The following MTUS2 variants were observed in gnomAD, a reference collection of about 807,000 sequenced individuals.
MTUS2 encodes the protein microtubule associated scaffold protein 2, also known as microtubule-associated tumor suppressor candidate 2.
Under a neutral mutation model 114.1 loss-of-function variants are expected in MTUS2, and 40 were observed. The observed-to-expected ratio is 0.35, with a 90% CI of 0.27 to 0.46. MTUS2 has a LOEUF of 0.46. MTUS2 is among the 20% of genes least tolerant of loss of function. MTUS2 has a pLI of 1.00. For missense variants in MTUS2, 1,679 were observed against 1,705.4 expected (o/e 0.98, Z 0.27); for synonymous variants, 688 against 672.0 (o/e 1.02, Z -0.37).
rs78963318 is a variant in MTUS2, at chr13:29,193,033, G to C, written c.2645-88671G>C. ...TTTCATCCATGATTAACTCTGGGGA[G>C]ACTGAGTCAATATCATACATTTACA... On this transcript the variant is annotated intron_variant, in intron 5 of 15. Transcript: ENST00000612955. 1.2e-4 allele frequency among the ~76,000 whole-genome samples: 18 copies of C among 152,320 alleles called. No individual in the cohort carries two copies. In the East Asian group the frequency reaches 3.5e-3, roughly 29 times the overall value.
chr13:28,879,079 A>G (rs1047494111), intron 2 of MTUS2, among the ~76,000 whole-genome samples: 3 of 152,118 alleles, frequency 2.0e-5, no homozygotes, highest in Non-Finnish European at 4.4e-5. Flanking sequence ...CTGGTGATCA[A>G]TGATGTTGAG....
At position 29,026,240 on chromosome 13, in the gene MTUS2, G is replaced by T. The variant is rs965328917; in HGVS notation, c.1542G>T (p.Glu514Asp). 18 of 1,613,956 alleles carry T rather than the reference G, an allele frequency of 1.1e-5. No homozygotes were observed. Among genetic ancestry groups the T allele is most frequent in the Non-Finnish European group, 1.5e-5 (18 of 1,179,882 alleles). The change falls in exon 3 of 16, where the codon GAG (glutamate) becomes GAT (aspartate). Residue 514 changes from glutamate (E) to aspartate (D), a missense_variant. Physicochemically the swap from Glu to Asp is conservative, Grantham distance 45 (BLOSUM62 2). Around this residue, in one of 3 missense-constraint regions of MTUS2, gnomAD observed 843 missense variants for 770.8 expected, o/e 1.09. Transcript: ENST00000612955. ...TTGCTGAAAACAGGAACCTTCTAGA[G>T]AATGCAGATAAGATTGAAAGCACCT... Reference protein sequence around the residue: ...TSVAENRNLLENADKIESTSA... With the variant: ...TSVAENRNLLDNADKIESTSA...
At chr13:29,101,114 G>A in intron 5 of MTUS2, 144 bp downstream of exon 5, 4 of 922,234 alleles carry the variant, frequency 4.3e-6, no homozygotes, top group Non-Finnish European at 6.3e-6. Flanking sequence ...TTCATCTACT[G>A]AAGAAAAATA....
chr13:29,460,453 C>G (rs1879402477), intron 9 of MTUS2, among the ~76,000 whole-genome samples: 1 of 151,288 alleles, frequency 6.6e-6, no homozygotes. Flanking sequence ...TTTTTCAGCT[C>G]TCTCCTCCTG....
chr13:29,025,586 A>T lies in MTUS2; in HGVS notation c.888A>T (p.Lys296Asn). ...LTLASKEIPSKLEAQLGQGKG... is the reference protein window; with the variant it reads ...LTLASKEIPSNLEAQLGQGKG... ...TGGCATCGAAGGAAATCCCAAGTAA[A>T]CTGGAAGCACAATTAGGTCAGGGAA... The change falls in exon 3 of 16, where the codon AAA becomes AAT. Residue 296 changes from lysine to asparagine, a missense_variant. This residue lies in a region of MTUS2 where 843 missense variants were observed against 770.8 expected (regional missense o/e 1.09). Transcript: ENST00000612955. 6.2e-7 allele frequency: 1 copy of T among 1,613,948 alleles called. No homozygotes were observed. The highest frequency in any genetic ancestry group is 8.5e-7 in the Non-Finnish European group (1 of 1,179,880).
chr13:29,495,192 A>C (rs1388931726), intron 12 of MTUS2, among the ~76,000 whole-genome samples: 14 of 146,306 alleles, frequency 9.6e-5, no homozygotes, highest in Non-Finnish European at 1.8e-4. Context: ...AAAAAAAAAA[A>C]AAAAAAAAAA....
At chr13:29,366,993 A>G (rs892494025) in intron 8 of MTUS2, among the ~76,000 whole-genome samples, 1 of 152,104 alleles carries the variant, frequency 6.6e-6, no homozygotes, top group African/African-American at 2.4e-5. Context: ...ACTCTGAATC[A>G]TCTCCAATTC....
chr13:29,235,889 CT>C (rs1896517218), intron 5 of MTUS2, among the ~76,000 whole-genome samples: 2 of 152,134 alleles, frequency 1.3e-5, no homozygotes, highest in Admixed American at 1.3e-4. Flanking sequence ...ATATTTTTTG[CT>C]TTTTAGCCTA....
chr13:29,389,581 ATACGTATACATATG>A (rs1873075410), intron 8 of MTUS2, among the ~76,000 whole-genome samples: 1 of 104,398 alleles, frequency 9.6e-6, no homozygotes, highest in African/African-American at 4.0e-5. Flanking sequence ...ATATGTGTGT[ATACGTATACATATG>A]TGTGTATACG....
chr13:28,994,187 T>C (rs1242153394), intron 2 of MTUS2, among the ~76,000 whole-genome samples: 1 of 152,154 alleles, frequency 6.6e-6, no homozygotes, highest in Non-Finnish European at 1.5e-5. Context: ...TTGCTTAGAA[T>C]GATGGTTTCC....
rs554350683 is a variant in MTUS2 at position 29,370,035 on chromosome 13, G to T, written c.3117+10562G>T. ...TCCATAATCACTTTTAATGTGAATG[G>T]TCTAAACAGCCCCAGTTAAAAGATA... On this transcript the variant is annotated intron_variant, in intron 8 of 15. Transcript: ENST00000612955. 1.6e-4 allele frequency among the ~76,000 whole-genome samples: 25 copies of T among 152,242 alleles called. No homozygotes were observed. In the South Asian group the frequency reaches 4.8e-3, roughly 29 times the overall value.
rs17072278 is a variant in MTUS2, at chr13:28,841,344, G to A, written c.-243+1494G>A. Among the ~76,000 whole-genome samples the A allele has an allele frequency of 3.6e-3, 544 of 152,294 alleles. 2 individuals carry two copies. Among genetic ancestry groups the A allele is most frequent in the African/African-American group, 0.013 (527 of 41,558 alleles). ...ATTGAGGAAATTAGAACAGATAGGG[G>A]AAAAAGTCATAGGGTAAGTAGGTGG... On this transcript the variant is annotated intron_variant, in intron 2 of 15. Coordinates refer to ENST00000612955, the MANE Select transcript of MTUS2 (RefSeq NM_001033602.4).
chr13:29,229,150 C>T (rs1211575378), intron 5 of MTUS2, among the ~76,000 whole-genome samples: 1 of 151,824 alleles, frequency 6.6e-6, no homozygotes, highest in East Asian at 1.9e-4. Flanking sequence ...TCTGCTGGCT[C>T]CCCTGTCTTT....
At chr13:29,448,749 T>C (rs1249125646) in intron 9 of MTUS2, among the ~76,000 whole-genome samples, 6 of 123,016 alleles carry the variant, frequency 4.9e-5, no homozygotes, top group Non-Finnish European at 9.8e-5. Flanking sequence ...AAAAACAGAG[T>C]GCTCTTTTTT....
intron 12 of MTUS2, among the ~76,000 whole-genome samples, chr13:29,494,518 A>G (rs1223933410): frequency 6.7e-6 from 1 of 149,028 alleles, no homozygotes; most frequent in Non-Finnish European, 1.5e-5. Flanking sequence ...CTTAAAAGAA[A>G]TGCTTTCTCT....
intron 2 of MTUS2, among the ~76,000 whole-genome samples, chr13:28,994,966 A>T (rs1885029031): frequency 6.6e-6 from 1 of 151,786 alleles, no homozygotes; most frequent in East Asian, 1.9e-4. Flanking sequence ...TTAGACATGA[A>T]GTCCTTGCCC....
intron 8 of MTUS2, among the ~76,000 whole-genome samples, chr13:29,389,548 TATACAC>T (rs1873056392): frequency 1.1e-5 from 1 of 94,488 alleles, no homozygotes. Context: ...TGTGTATATG[TATACAC>T]GTGTGTATAT....
At chr13:28,855,761 A>G (rs1876587022) in intron 2 of MTUS2, among the ~76,000 whole-genome samples, 1 of 152,192 alleles carries the variant, frequency 6.6e-6, no homozygotes, top group African/African-American at 2.4e-5. Flanking sequence ...TTGTAATAGA[A>G]TGATTTATAT....
Position 29,072,944 on chromosome 13 carries a change from T to G in MTUS2, c.2447-27829T>G, listed in dbSNP as rs558872654. 2.6e-5 allele frequency among the ~76,000 whole-genome samples: 4 copies of G among 152,346 alleles called. No individual in the cohort carries two copies. In the East Asian group the frequency reaches 7.7e-4, roughly 29 times the overall value. On this transcript the variant is annotated intron_variant, in intron 4 of 15. Transcript: ENST00000612955. The stretch of plus-strand genomic sequence containing the variant: ...GACATTTGCAGCATTTATATATGAC[T>G]TGTACCTTACCTTTTGCTAATTTCC...
Sources: allele counts gnomAD v4.1 joint callset (sites outside exome capture counted in the v4.1 genomes callset), GRCh38; gene constraint gnomAD v4.1.1; regional missense constraint gnomAD v4.1.1; transcripts MANE v1.5; gene names NCBI Gene and HGNC (gene_info 2026-07-23, HGNC 2026-07-21).